Variants in DCDC2C observed in about 807,000 individuals in gnomAD.
The protein encoded by DCDC2C is doublecortin domain containing 2C, also known as doublecortin domain-containing protein 2C.
Under a neutral mutation model 45.0 loss-of-function variants are expected in DCDC2C, and 44 were observed. The ratio of observed to expected loss-of-function variants is 0.98; its 90% confidence interval spans 0.77 to 1.26. The LOEUF (loss-of-function observed/expected upper bound fraction) is 1.26. Among genes scored for constraint, DCDC2C ranks in the 50% most tolerant of loss-of-function variants. The pLI is 0.00. For synonymous variants in DCDC2C, 187 were observed against 178.8 expected, an observed-to-expected ratio of 1.05 and a Z score of -0.37; for missense variants, 447 against 468.9, an observed-to-expected ratio of 0.95 and a Z score of 0.43.
At chr2:3,822,502 TC>T (rs1207999887) in intron 10 of DCDC2C, among the ~76,000 whole-genome samples, 1 of 152,094 alleles carries the variant, frequency 6.6e-6, no homozygotes, top group Non-Finnish European at 1.5e-5. Context: ...TTTAGTGTTC[TC>T]TTTTTTTCTT....
At chr2:3,704,227 A>G (rs1667970890) in intron 1 of DCDC2C, 189 bp downstream of exon 1, 2 of 465,218 alleles carry the variant, frequency 4.3e-6, no homozygotes, top group Non-Finnish European at 6.9e-6. Context: ...CTGGGGGCGA[A>G]GCCGAGGCAG....
At chr2:3,738,671 G>A (rs1288314763) in intron 3 of DCDC2C, among the ~76,000 whole-genome samples, 2 of 151,700 alleles carry the variant, frequency 1.3e-5, no homozygotes, top group South Asian at 2.1e-4. Context: ...GTGATCAGGC[G>A]TTTATAGGTA....
At chr2:3,759,426 T>A (rs357965) in intron 6 of DCDC2C, among the ~76,000 whole-genome samples, 82,625 of 152,026 alleles carry the variant, frequency 0.54, 23,174 homozygotes, top group East Asian at 0.76. Context: ...TCTTAGTGGT[T>A]TATAAAATAG....
At chr2:3,838,344 G>A (rs1672130354) in intron 10 of DCDC2C, among the ~76,000 whole-genome samples, 1 of 152,050 alleles carries the variant, frequency 6.6e-6, no homozygotes, top group Admixed American at 6.6e-5. Flanking sequence ...TCTAGGGTAT[G>A]GTCTGTGGTA....
intron 8 of DCDC2C, among the ~76,000 whole-genome samples, chr2:3,770,683 T>A (rs1384128156): frequency 1.3e-5 from 2 of 152,234 alleles, no homozygotes; most frequent in Admixed American, 1.3e-4. Context: ...GTCACTAGGA[T>A]GTTACTGTGG....
intron 6 of DCDC2C, among the ~76,000 whole-genome samples, chr2:3,754,929 G>A (rs542945876): frequency 2.0e-5 from 3 of 152,296 alleles, no homozygotes; most frequent in Admixed American, 2.0e-4. Context: ...GGACTTTTAC[G>A]GGACAGGGAG....
chr2:3,797,888 G>A lies in DCDC2C; in HGVS notation c.1065+12788G>A, dbSNP rs566154116. Among the ~76,000 whole-genome samples the A allele has an allele frequency of 2.0e-5, 3 of 147,676 alleles. No homozygotes were observed. The South Asian group carries it at 6.5e-4, about 32-fold the overall frequency. On this transcript the variant is annotated intron_variant, in intron 10 of 10. Transcript: ENST00000399143. Reference sequence around the variant, plus strand: ...AGTTCTGTAGATGTCTATTAGGTCCGCTCAGTCCAGAGCTGAGTTCAATTC... The same window carrying A: ...AGTTCTGTAGATGTCTATTAGGTCCACTCAGTCCAGAGCTGAGTTCAATTC...
At chr2:3,814,619 A>G (rs994350260) in intron 10 of DCDC2C, among the ~76,000 whole-genome samples, 2 of 152,236 alleles carry the variant, frequency 1.3e-5, no homozygotes, top group Non-Finnish European at 2.9e-5. Flanking sequence ...TTGGGTTTTC[A>G]GCATTTTTAT....
intron 10 of DCDC2C, among the ~76,000 whole-genome samples, chr2:3,816,947 G>A (rs1671572810): frequency 6.6e-6 from 1 of 152,226 alleles, no homozygotes; most frequent in African/African-American, 2.4e-5. Flanking sequence ...CGGACTAGCG[G>A]CTTGTAACCT....
intron 2 of DCDC2C, among the ~76,000 whole-genome samples, chr2:3,712,131 C>T (rs192216786): frequency 6.6e-6 from 1 of 152,296 alleles, no homozygotes; most frequent in East Asian, 1.9e-4. Context: ...AGAGCTTTGG[C>T]CGACACACAT....
chr2:3,793,198 AGTT>A (rs1046241768), intron 10 of DCDC2C, among the ~76,000 whole-genome samples: 1 of 152,240 alleles, frequency 6.6e-6, no homozygotes, highest in African/African-American at 2.4e-5. Context: ...CCTTAAAAAA[AGTT>A]GTAGTATACC....
chr2:3,806,871 G>A (rs888289728), intron 10 of DCDC2C, among the ~76,000 whole-genome samples: 32 of 152,102 alleles, frequency 2.1e-4, no homozygotes, highest in African/African-American at 7.2e-4. Flanking sequence ...TTTGTTGCTC[G>A]TGACTGCTTT....
At chr2:3,790,411 A>C (rs1326326648) in intron 10 of DCDC2C, among the ~76,000 whole-genome samples, 2 of 152,226 alleles carry the variant, frequency 1.3e-5, no homozygotes, top group Non-Finnish European at 2.9e-5. Context: ...ACACCATTTC[A>C]GCATCTTACT....
intron 4 of DCDC2C, among the ~76,000 whole-genome samples, chr2:3,746,930 G>A (rs746845853): frequency 1.3e-5 from 2 of 152,094 alleles, no homozygotes; most frequent in Non-Finnish European, 2.9e-5. Context: ...TGGGGTGGGG[G>A]GACTGTGTGG....
chr2:3,823,683 A>C (rs1219574779), intron 10 of DCDC2C, among the ~76,000 whole-genome samples: 1 of 152,082 alleles, frequency 6.6e-6, no homozygotes, highest in Non-Finnish European at 1.5e-5. Flanking sequence ...CTGTGTTGAT[A>C]GTTTTTTTTC....
At chr2:3,832,805 A>G (rs1478902051) in intron 10 of DCDC2C, among the ~76,000 whole-genome samples, 2 of 152,210 alleles carry the variant, frequency 1.3e-5, no homozygotes, top group African/African-American at 4.8e-5. Flanking sequence ...TGTCTAGTGT[A>G]TACCTCCCTA....
intron 10 of DCDC2C, among the ~76,000 whole-genome samples, chr2:3,816,543 A>G (rs1671563734): frequency 6.6e-6 from 1 of 152,194 alleles, no homozygotes; most frequent in South Asian, 2.1e-4. Context: ...GCTAGGAGAG[A>G]GTGAGTGAGA....
chr2:3,719,251 A>AT lies in DCDC2C; in HGVS notation c.340-7745dup, dbSNP rs1348805566. 5.3e-5 allele frequency among the ~76,000 whole-genome samples: 8 copies of AT among 151,986 alleles called. No homozygotes were observed. In the East Asian group the frequency reaches 7.8e-4, roughly 15 times the overall value. On this transcript the variant is annotated intron_variant, in intron 2 of 10. Coordinates refer to ENST00000399143, the MANE Select transcript of DCDC2C (RefSeq NM_001287444.2). The stretch of plus-strand genomic sequence containing the variant: ...CAGGTGCCCGCCACCATGCCAGCTA[A>AT]TTTTTTTGTATTTTTAATAGAGATG...
In DCDC2C at chr2:3,796,864, C is replaced by A. The variant is rs895865188; in HGVS notation, c.1065+11764C>A. 1.5e-3 allele frequency among the ~76,000 whole-genome samples: 221 copies of A among 152,080 alleles called. 1 individual carries two copies. Among genetic ancestry groups the A allele is most frequent in the Non-Finnish European group, 2.5e-3 (170 of 68,014 alleles). On this transcript the variant is annotated intron_variant, in intron 10 of 10. Transcript: ENST00000399143. Reference sequence around the variant, plus strand: ...TTGTGTCTCTGCCCGGCTTTGGTATCAGGATGATGCTGGCTTCATAAAATG... The same window carrying A: ...TTGTGTCTCTGCCCGGCTTTGGTATAAGGATGATGCTGGCTTCATAAAATG...
Sources: allele counts gnomAD v4.1 joint callset (sites outside exome capture counted in the v4.1 genomes callset), GRCh38; gene constraint gnomAD v4.1.1; transcripts MANE v1.5; gene names NCBI Gene and HGNC (gene_info 2026-07-23, HGNC 2026-07-21).